The following BTBD7 variants were observed in gnomAD, a reference collection of about 807,000 sequenced individuals.
BTBD7 encodes BTB/POZ domain-containing protein 7.
In BTBD7, 38 loss-of-function variants were observed where a neutral mutation model predicts 99.9. The ratio of observed to expected loss-of-function variants is 0.38; its 90% CI spans 0.29 to 0.50. The LOEUF (loss-of-function observed/expected upper bound fraction) is 0.50, where lower values mean the gene tolerates loss of function less well. Ranked by LOEUF, BTBD7 falls within the 20% of genes least tolerant of loss-of-function variation. BTBD7 has a pLI of 0.93. For missense variants in BTBD7, 1,170 were observed against 1,394.6 expected (o/e 0.84, Z 2.57); for synonymous variants, 520 against 511.4 (o/e 1.02, Z -0.23).
rs548253023 is a variant in BTBD7 at position 93,295,405 on chromosome 14, C to T, written c.83-468G>A. On this transcript the variant is annotated intron_variant, in intron 2 of 10. Transcript: ENST00000334746. Reference sequence around the variant, plus strand: ...TTGGCCTCCTAAAGTGCTGGGATTACAGGTGTGAGCCATTGTGACTGGCCT... The same window carrying T: ...TTGGCCTCCTAAAGTGCTGGGATTATAGGTGTGAGCCATTGTGACTGGCCT... 2.0e-5 allele frequency among the ~76,000 whole-genome samples: 3 copies of T among 152,284 alleles called. No individual in the cohort carries two copies. In the East Asian group the frequency reaches 5.8e-4, roughly 29 times the overall value.
intron 3 of BTBD7, chr14:93,288,664 T>A: frequency 6.8e-7 from 1 of 1,478,726 alleles, no homozygotes; most frequent in Non-Finnish European, 9.5e-7. Flanking sequence ...AGCAGCTGTT[T>A]GAAAGCTCTG....
intron 1 of BTBD7, among the ~76,000 whole-genome samples, chr14:93,309,118 T>C (rs1266034539): frequency 1.3e-5 from 2 of 152,178 alleles, no homozygotes; most frequent in Non-Finnish European, 2.9e-5. Flanking sequence ...ATGTTCCTTT[T>C]AATGACTGGA....
chr14:93,242,792 G>C lies in BTBD7; in HGVS notation c.2880C>G (p.Leu960=). ...GCGAAGGGGAAGGGGTGCGTCTGCT[G>C]AGAGCAGGAGTAGAAGGTCTGCAAG... ...NAACRPSTPA[L]SRRTPSPSQG... is the part of the protein sequence containing the mutation. The change falls in exon 11 of 11, where the codon CTC becomes CTG. Residue 960 remains leucine (L), a synonymous_variant. Transcript: ENST00000334746. The C allele has an allele frequency of 1.2e-6, 2 of 1,614,224 alleles. No homozygotes were observed. Among genetic ancestry groups the C allele is most frequent in the South Asian group, 2.2e-5 (2 of 91,082 alleles).
At chr14:93,330,864 G>A (rs1472872346) in intron 1 of BTBD7, among the ~76,000 whole-genome samples, 2 of 152,182 alleles carry the variant, frequency 1.3e-5, no homozygotes, top group African/African-American at 4.8e-5. Flanking sequence ...GTGTAACCTA[G>A]AAATCAACAC....
chr14:93,275,073 C>T (rs970515112), intron 3 of BTBD7, among the ~76,000 whole-genome samples: 4 of 152,142 alleles, frequency 2.6e-5, no homozygotes, highest in East Asian at 1.9e-4. Flanking sequence ...GTACAAAAGG[C>T]TATGGTACAC....
chr14:93,278,799 C>T (rs544963244), intron 3 of BTBD7, among the ~76,000 whole-genome samples: 31 of 152,202 alleles, frequency 2.0e-4, no homozygotes, highest in Admixed American at 1.6e-3. Context: ...GTTTCTGTCC[C>T]TTTTAATAGT....
chr14:93,283,771 C>T (rs1280178680), intron 3 of BTBD7, among the ~76,000 whole-genome samples: 1 of 152,154 alleles, frequency 6.6e-6, no homozygotes, highest in African/African-American at 2.4e-5. Context: ...AGGCTGGTCT[C>T]GAACTCCTGG....
At chr14:93,262,281 C>T (rs971211626) in intron 4 of BTBD7, among the ~76,000 whole-genome samples, 10 of 152,004 alleles carry the variant, frequency 6.6e-5, no homozygotes, top group East Asian at 1.9e-4. Context: ...TACAGGCGCC[C>T]GCCACCACGC....
At chr14:93,317,733 A>G (rs2053223693) in intron 1 of BTBD7, among the ~76,000 whole-genome samples, 2 of 152,246 alleles carry the variant, frequency 1.3e-5, no homozygotes, top group African/African-American at 4.8e-5. Flanking sequence ...GAGTGTTCCC[A>G]TAATTCCCTG....
At chr14:93,323,485 A>G (rs552598123) in intron 1 of BTBD7, among the ~76,000 whole-genome samples, 1 of 152,336 alleles carries the variant, frequency 6.6e-6, no homozygotes, top group Non-Finnish European at 1.5e-5. Flanking sequence ...CCTGTCACAA[A>G]GCTTTCTGCT....
Position 93,245,859 on chromosome 14 carries a change from G to A in BTBD7, c.2549C>T (p.Thr850Ile). The A allele has an allele frequency of 2.5e-6, 4 of 1,613,682 alleles. No homozygotes were observed. Among genetic ancestry groups the A allele is most frequent in the South Asian group, 1.1e-5 (1 of 91,078 alleles). The stretch of plus-strand genomic sequence containing the variant: ...CTCAGATGCTGCTGCTGCTGCTGCT[G>A]TTGCTGTTGAGGTGGTGGTGGCGGC... ...AAAATTTSTA[T>I]AAAAAASEKQ... The change falls in exon 10 of 11, where the codon ACA becomes ATA. Residue 850 changes from threonine (T) to isoleucine (I), a missense_variant. Around this residue, in one of 4 missense-constraint regions of BTBD7, gnomAD observed 495 missense variants for 525.9 expected, o/e 0.94. Transcript: ENST00000334746.
rs1475444300 is a variant in BTBD7 at position 93,240,082 on chromosome 14, A to T, written c.*2191T>A. 5 of 152,226 alleles carry T rather than the reference A, an allele frequency of 3.3e-5. No individual in the cohort carries two copies. The East Asian group carries it at 9.6e-4, about 29-fold the overall frequency. The allele number at this position is 152,226 out of a possible 1,614,324, so 9.4% of individuals were successfully genotyped here. On this transcript the variant is annotated 3_prime_UTR_variant, in exon 11 of 11. Coordinates refer to ENST00000334746, the MANE Select transcript of BTBD7 (RefSeq NM_001002860.4). The stretch of plus-strand genomic sequence containing the variant: ...AAGACACCGTCTTCTATTATGAGTC[A>T]AACTTCTTACAAATGAGAACAGAGG...
intron 3 of BTBD7, among the ~76,000 whole-genome samples, chr14:93,274,722 G>A (rs188641828): frequency 6.6e-6 from 1 of 152,166 alleles, no homozygotes; most frequent in Non-Finnish European, 1.5e-5. Flanking sequence ...TTGCTTGCAA[G>A]TCCTTATACG....
intron 3 of BTBD7, among the ~76,000 whole-genome samples, chr14:93,269,264 A>T (rs1196142826): frequency 1.3e-5 from 2 of 152,218 alleles, no homozygotes; most frequent in East Asian, 3.8e-4. Context: ...ATGGTAAAGG[A>T]TTTCAATTAA....
chr14:93,281,458 A>G (rs1209637293), intron 3 of BTBD7, among the ~76,000 whole-genome samples: 2 of 152,182 alleles, frequency 1.3e-5, no homozygotes, highest in East Asian at 3.9e-4. Context: ...TTTTGTTGAC[A>G]GTAGTTATCA....
intron 1 of BTBD7, among the ~76,000 whole-genome samples, chr14:93,310,789 T>C (rs1301814106): frequency 6.7e-6 from 1 of 149,648 alleles, no homozygotes; most frequent in Non-Finnish European, 1.5e-5. Flanking sequence ...TTTTTTTTTT[T>C]TGCCAAGACT....
intron 3 of BTBD7, among the ~76,000 whole-genome samples, chr14:93,274,732 G>A (rs1375765133): frequency 6.6e-6 from 1 of 152,074 alleles, no homozygotes; most frequent in Non-Finnish European, 1.5e-5. Flanking sequence ...GTCCTTATAC[G>A]AGGCTCTACT....
chr14:93,267,263 A>G (rs2052553005), intron 3 of BTBD7, among the ~76,000 whole-genome samples: 1 of 152,242 alleles, frequency 6.6e-6, no homozygotes, highest in Admixed American at 6.5e-5. Flanking sequence ...GTAGGAAAAA[A>G]AATGGGCTTT....
chr14:93,252,305 C>T (rs1329670934), intron 7 of BTBD7, among the ~76,000 whole-genome samples: 5 of 148,894 alleles, frequency 3.4e-5, no homozygotes, highest in South Asian at 4.2e-4. Flanking sequence ...AGTGAAACTC[C>T]GTCTTAAAAA....
Sources: gnomAD v4.1 joint callset for allele counts (sites outside exome capture counted in the v4.1 genomes callset) on GRCh38, gnomAD v4.1.1 for gene constraint, gnomAD v4.1.1 regional missense constraint, MANE v1.5 for transcripts, NCBI Gene and HGNC (gene_info 2026-07-23, HGNC 2026-07-21) for gene names.